Variants in SLC22A8 observed in about 807,000 individuals in gnomAD.
The protein encoded by SLC22A8 is solute carrier family 22 member 8.
A neutral mutation model predicts 48.4 loss-of-function variants in SLC22A8; 40 were observed. The ratio of observed to expected loss-of-function variants is 0.83; its 90% CI spans 0.64 to 1.08. The LOEUF is 1.08. SLC22A8 is among the 50% of genes least tolerant of loss of function. The pLI is 0.00. For synonymous variants in SLC22A8, 268 were observed against 286.3 expected, an observed-to-expected ratio of 0.94 and a Z score of 0.65; for missense variants, 606 against 699.0, an observed-to-expected ratio of 0.87 and a Z score of 1.50.
At chr11:63,013,053 C>T (rs1230176421) in intron 2 of SLC22A8, among the ~76,000 whole-genome samples, 3 of 152,104 alleles carry the variant, frequency 2.0e-5, no homozygotes, top group Admixed American at 1.3e-4. Context: ...AGCTACTTAA[C>T]CTCTCTGTGC....
chr11:63,014,592 G>A, intron 2 of SLC22A8, 34 bp downstream of exon 2: 2 of 1,536,516 alleles, frequency 1.3e-6, no homozygotes, highest in Non-Finnish European at 1.8e-6. Context: ...GGGGTACGTG[G>A]GTAAGTGGAG....
intron 2 of SLC22A8, among the ~76,000 whole-genome samples, chr11:63,013,347 A>G (rs1387326784): frequency 1.3e-5 from 2 of 152,160 alleles, no homozygotes; most frequent in African/African-American, 4.8e-5. Context: ...ACTGGAGATA[A>G]TACTTCTCTT....
intron 3 of SLC22A8, 79 bp downstream of exon 3, chr11:63,000,641 C>G (rs4149182): frequency 0.23 from 231,674 of 1,018,738 alleles, 28,287 homozygotes; most frequent in African/African-American, 0.38. Flanking sequence ...TGCCTCTTTG[C>G]GGGTGCACGG....
chr11:62,994,176 C>T (rs972014740), intron 8 of SLC22A8: 15 of 518,100 alleles, frequency 2.9e-5, no homozygotes, highest in African/African-American at 1.3e-4. Flanking sequence ...ATAAAATAAA[C>T]GTAGCTTTTC....
At chr11:63,002,869 A>C (rs1265983911) in intron 2 of SLC22A8, among the ~76,000 whole-genome samples, 1 of 152,090 alleles carries the variant, frequency 6.6e-6, no homozygotes, top group Non-Finnish European at 1.5e-5. Flanking sequence ...CTTCACAATA[A>C]CCTTATTATG....
chr11:63,000,971 G>A (rs778888341), intron 2 of SLC22A8, 148 bp from the exon 3 acceptor site: 6 of 631,166 alleles, frequency 9.5e-6, no homozygotes, highest in African/African-American at 3.6e-5. Context: ...TTTTCAGCCC[G>A]GCTCGGAGCT....
intron 5 of SLC22A8, among the ~76,000 whole-genome samples, chr11:62,998,276 C>A (rs1264214033): frequency 6.6e-6 from 1 of 152,056 alleles, no homozygotes; most frequent in African/African-American, 2.4e-5. Context: ...TCTAAAGACC[C>A]ATTTCCTGTC....
At chr11:63,012,226 G>A (rs527587118) in intron 2 of SLC22A8, among the ~76,000 whole-genome samples, 10 of 152,050 alleles carry the variant, frequency 6.6e-5, no homozygotes, top group South Asian at 2.1e-4. Context: ...CTGACCTCAG[G>A]TGATCTGCCT....
intron 8 of SLC22A8, 108 bp downstream of exon 8, chr11:62,994,434 C>A (rs2086384002): frequency 3.8e-6 from 3 of 787,890 alleles, no homozygotes; most frequent in East Asian, 5.4e-5. Context: ...AGTGCAGGGA[C>A]CTGCTCAAGG....
In SLC22A8 at chr11:62,994,697, T is replaced by C. The variant is rs1590687595; in HGVS notation, c.1061A>G (p.Asn354Ser). Residue 354 changes from asparagine to serine, a missense_variant, in exon 8 of 11, where the codon AAC becomes AGC. By Grantham distance (46) the Asn-to-Ser change is conservative. Transcript: ENST00000336232. ...AAAGATGATCTGGAGGATGTAGAGG[T>C]TGACTCCAAATTCTTCCACACCCAT... Reference protein sequence around the residue: ...LAMGVEEFGVNLYILQIIFGG... With the variant: ...LAMGVEEFGVSLYILQIIFGG... 6.2e-7 allele frequency: 1 copy of C among 1,613,990 alleles called. No homozygotes were observed. The highest frequency in any genetic ancestry group is 1.3e-5 in the African/African-American group (1 of 74,880).
intron 7 of SLC22A8, chr11:62,995,479 G>A: frequency 1.7e-6 from 1 of 571,668 alleles, no homozygotes; most frequent in South Asian, 2.1e-5. Flanking sequence ...GGTGAGGGGT[G>A]GGGCATTGTG....
Position 63,014,746 on chromosome 11 carries a change from C to A in SLC22A8, c.213G>T (p.Glu71Asp). 6.2e-7 allele frequency: 1 copy of A among 1,614,136 alleles called. No homozygotes were observed. Among genetic ancestry groups the A allele is most frequent in the East Asian group, 2.2e-5 (1 of 44,888 alleles). Residue 71 changes from glutamate to aspartate, a missense_variant, in exon 2 of 11, where the codon GAG becomes GAT. By Grantham distance (45) the Glu-to-Asp change is conservative. Coordinates refer to ENST00000336232, the MANE Select transcript of SLC22A8 (RefSeq NM_004254.4). ...GCGGATGTACAAAACGGAGGCACCT[C>A]TCAGGCTTCCCATTTGGGCCCATGG... ...VLPMGPNGKP[E>D]RCLRFVHPPN...
intron 2 of SLC22A8, among the ~76,000 whole-genome samples, chr11:63,006,763 A>G (rs1409534495): frequency 6.8e-6 from 1 of 147,220 alleles, no homozygotes; most frequent in East Asian, 2.0e-4. Context: ...ATGCGCCACC[A>G]TGCCTGGCTA....
intron 2 of SLC22A8, among the ~76,000 whole-genome samples, chr11:63,008,784 C>T (rs573217330): frequency 5.9e-5 from 9 of 152,300 alleles, no homozygotes; most frequent in East Asian, 1.9e-4. Context: ...CAACACCCCC[C>T]GTCTTCTGTA....
intron 3 of SLC22A8, 132 bp downstream of exon 3, chr11:63,000,588 C>T (rs2086481440): frequency 7.9e-6 from 5 of 635,368 alleles, no homozygotes; most frequent in South Asian, 7.5e-5. Flanking sequence ...GAGGTTTGCC[C>T]AAGGCCACAC....
intron 2 of SLC22A8, among the ~76,000 whole-genome samples, chr11:63,001,680 C>T (rs1169765512): frequency 6.6e-6 from 1 of 152,168 alleles, no homozygotes; most frequent in Non-Finnish European, 1.5e-5. Flanking sequence ...TCTCCACTTT[C>T]CCCAGGCGAT....
At chr11:63,008,541 C>A (rs1247332697) in intron 2 of SLC22A8, among the ~76,000 whole-genome samples, 1 of 152,154 alleles carries the variant, frequency 6.6e-6, no homozygotes, top group Non-Finnish European at 1.5e-5. Context: ...CTCCGTGTGG[C>A]TCAGCCTCTT....
chr11:62,993,491 C>T lies in SLC22A8; in HGVS notation c.1462G>A (p.Ala488Thr). The change falls in exon 10 of 11, where the codon GCT (alanine) becomes ACT (threonine). Residue 488 changes from alanine (A) to threonine (T), a missense_variant. By Grantham distance (58) the Ala-to-Thr change is moderately conservative. Transcript: ENST00000336232. Reference protein sequence around the residue: ...YGITALLGGSAALFLPETLNQ... With the variant: ...YGITALLGGSTALFLPETLNQ... The stretch of plus-strand genomic sequence containing the variant: ...AGGGTCTCAGGCAGGAAGAGGGCAG[C>T]ACTGCCCCCGAGGAGGGCGGTGATC... The T allele has an allele frequency of 6.2e-7, 1 of 1,614,196 alleles. No individual in the cohort carries two copies. Among genetic ancestry groups the T allele is most frequent in the Non-Finnish European group, 8.5e-7 (1 of 1,180,022 alleles).
At chr11:63,010,240 A>G (rs2086602596) in intron 2 of SLC22A8, among the ~76,000 whole-genome samples, 1 of 152,106 alleles carries the variant, frequency 6.6e-6, no homozygotes, top group South Asian at 2.1e-4. Flanking sequence ...AGGGATCATG[A>G]TATTCCTGAT....
Sources: allele counts gnomAD v4.1 joint callset (sites outside exome capture counted in the v4.1 genomes callset), GRCh38; gene constraint gnomAD v4.1.1; transcripts MANE v1.5; gene names NCBI Gene and HGNC (gene_info 2026-07-23, HGNC 2026-07-21).